The following AUTS2 variants were observed in gnomAD, a reference collection of about 807,000 sequenced individuals.
AUTS2 encodes the protein activator of transcription and developmental regulator AUTS2, also known as autism susceptibility gene 2 protein.
A neutral mutation model predicts 112.4 loss-of-function variants in AUTS2; 17 were observed. The ratio of observed to expected loss-of-function variants is 0.15; its 90% CI spans 0.10 to 0.23. The LOEUF (loss-of-function observed/expected upper bound fraction) is 0.23. AUTS2 is among the 10% of genes least tolerant of loss of function. The probability of loss-of-function intolerance (pLI) is 1.00; values close to 1 mark genes in which losing one functional copy is unlikely to be tolerated. For synonymous variants in AUTS2, 751 were observed against 702.7 expected (o/e 1.07, Z -1.09); for missense variants, 1,510 against 1,701.6 (o/e 0.89, Z 1.98).
At chr7:70,267,229 T>C (rs1398374302) in intron 4 of AUTS2, among the ~76,000 whole-genome samples, 1 of 152,188 alleles carries the variant, frequency 6.6e-6, no homozygotes, top group Non-Finnish European at 1.5e-5. Context: ...GTTTAGTGCA[T>C]GGAAATGGCA....
intron 4 of AUTS2, among the ~76,000 whole-genome samples, chr7:70,275,280 T>C (rs993027561): frequency 6.6e-6 from 1 of 152,156 alleles, no homozygotes; most frequent in African/African-American, 2.4e-5. Context: ...TTGAAAACAT[T>C]ATGCTGATTG....
chr7:70,679,952 C>T (rs1005795412), intron 5 of AUTS2, among the ~76,000 whole-genome samples: 3 of 152,286 alleles, frequency 2.0e-5, no homozygotes, highest in African/African-American at 4.8e-5. Flanking sequence ...TTAATGGCCC[C>T]GTAGTACCAA....
At chr7:70,221,559 T>C (rs1464906453) in intron 4 of AUTS2, among the ~76,000 whole-genome samples, 1 of 152,198 alleles carries the variant, frequency 6.6e-6, no homozygotes, top group Non-Finnish European at 1.5e-5. Context: ...CTGCTTTAGG[T>C]TAGTTTGCCT....
At chr7:69,657,982 T>C (rs1055494680) in intron 1 of AUTS2, among the ~76,000 whole-genome samples, 2 of 152,244 alleles carry the variant, frequency 1.3e-5, no homozygotes, top group Admixed American at 6.5e-5. Context: ...CCACTACCTG[T>C]TTTTATGCGG....
At chr7:70,553,433 A>G (rs1170655472) in intron 5 of AUTS2, among the ~76,000 whole-genome samples, 1 of 152,154 alleles carries the variant, frequency 6.6e-6, no homozygotes, top group Non-Finnish European at 1.5e-5. Flanking sequence ...TGGAGGCATC[A>G]TGGGGTTGGA....
At chr7:69,852,087 A>G (rs1215257525) in intron 1 of AUTS2, among the ~76,000 whole-genome samples, 1 of 152,156 alleles carries the variant, frequency 6.6e-6, no homozygotes, top group South Asian at 2.1e-4. Context: ...GTCTTTCCCT[A>G]CTAAATTTGA....
At chr7:69,850,004 G>C (rs1483756589) in intron 1 of AUTS2, among the ~76,000 whole-genome samples, 1 of 152,006 alleles carries the variant, frequency 6.6e-6, no homozygotes, top group Non-Finnish European at 1.5e-5. Flanking sequence ...TTTAAGAAAT[G>C]TCAGACTTGG....
chr7:69,792,396 C>T (rs754269429), intron 1 of AUTS2, among the ~76,000 whole-genome samples: 13 of 151,938 alleles, frequency 8.6e-5, no homozygotes, highest in Non-Finnish European at 1.8e-4. Context: ...CCCACCATCA[C>T]GCCCAACTAA....
At chr7:70,734,177 C>T (rs552394997) in intron 6 of AUTS2, among the ~76,000 whole-genome samples, 11 of 152,064 alleles carry the variant, frequency 7.2e-5, no homozygotes, top group African/African-American at 9.6e-5. Flanking sequence ...TGGTGGCTCA[C>T]GCCTGTAATC....
At chr7:69,942,688 T>C (rs559433173) in intron 2 of AUTS2, among the ~76,000 whole-genome samples, 6 of 152,346 alleles carry the variant, frequency 3.9e-5, no homozygotes, top group African/African-American at 1.4e-4. Flanking sequence ...TGCATTGTGG[T>C]AGCAAGTCAT....
chr7:70,078,339 G>A (rs984632720), intron 2 of AUTS2, among the ~76,000 whole-genome samples: 2 of 152,110 alleles, frequency 1.3e-5, no homozygotes, highest in African/African-American at 4.8e-5. Flanking sequence ...TCAGGACAAC[G>A]TGAGAATTTC....
At chr7:70,669,160 G>A (rs922269428) in intron 5 of AUTS2, among the ~76,000 whole-genome samples, 1 of 152,238 alleles carries the variant, frequency 6.6e-6, no homozygotes, top group Non-Finnish European at 1.5e-5. Context: ...GCGGTCAGAA[G>A]TGAGGCTCGC....
intron 5 of AUTS2, among the ~76,000 whole-genome samples, chr7:70,643,229 C>T (rs940123346): frequency 6.6e-6 from 1 of 152,180 alleles, no homozygotes; most frequent in African/African-American, 2.4e-5. Context: ...CCATATTTTC[C>T]ATAGCCAACA....
intron 1 of AUTS2, among the ~76,000 whole-genome samples, chr7:69,847,901 C>T (rs1792282693): frequency 6.6e-6 from 1 of 152,204 alleles, no homozygotes; most frequent in Non-Finnish European, 1.5e-5. Flanking sequence ...CTAGGCGATC[C>T]TCCTTTTATC....
intron 4 of AUTS2, among the ~76,000 whole-genome samples, chr7:70,397,655 A>ATG (rs1562934510): frequency 6.8e-6 from 1 of 146,096 alleles, no homozygotes; most frequent in African/African-American, 2.6e-5. Context: ...CCTTACATGT[A>ATG]TGTACACACA....
intron 4 of AUTS2, among the ~76,000 whole-genome samples, chr7:70,285,030 A>G (rs1315870915): frequency 1.3e-5 from 2 of 151,826 alleles, no homozygotes; most frequent in African/African-American, 4.8e-5. Flanking sequence ...GCTTGCCTTT[A>G]TGGATACAAA....
chr7:69,715,227 TAAAAA>T (rs61555118), intron 1 of AUTS2, among the ~76,000 whole-genome samples: 2 of 129,428 alleles, frequency 1.5e-5, no homozygotes, highest in African/African-American at 5.8e-5. Context: ...CAGGCATAAG[TAAAAA>T]AAAAAAAAAA....
intron 2 of AUTS2, among the ~76,000 whole-genome samples, chr7:70,083,649 A>G (rs1054964973): frequency 5.3e-5 from 8 of 152,296 alleles, no homozygotes; most frequent in South Asian, 2.1e-4. Context: ...AACCAACACA[A>G]TCAAGGTAAT....
chr7:70,376,731 C>T (rs1562921557), intron 4 of AUTS2, among the ~76,000 whole-genome samples: 2 of 148,652 alleles, frequency 1.3e-5, no homozygotes, highest in African/African-American at 5.0e-5. Flanking sequence ...TCCTTTATCT[C>T]GAATGCAGTT....
Sources: gnomAD v4.1 joint callset for allele counts (sites outside exome capture counted in the v4.1 genomes callset) on GRCh38, gnomAD v4.1.1 for gene constraint, MANE v1.5 for transcripts, NCBI Gene and HGNC (gene_info 2026-07-23, HGNC 2026-07-21) for gene names.